LHFPL4: variants seen among roughly 807,000 people sequenced by gnomAD.
LHFPL4 encodes LHFPL tetraspan subfamily member 4.
Under a neutral mutation model 20.0 loss-of-function variants are expected in LHFPL4, and 6 were observed. The ratio of observed to expected loss-of-function variants is 0.30; its 90% confidence interval spans 0.16 to 0.59. LHFPL4 has a LOEUF of 0.59. Among genes scored for constraint, LHFPL4 ranks in the 20% least tolerant of loss-of-function variants. The probability of loss-of-function intolerance (pLI) is 0.88; values close to 1 mark genes in which losing one functional copy is unlikely to be tolerated. For missense variants in LHFPL4, 215 were observed against 331.2 expected, an observed-to-expected ratio of 0.65 and a Z score of 2.72; for synonymous variants, 129 against 143.8, an observed-to-expected ratio of 0.90 and a Z score of 0.74.
At chr3:9,523,312 C>T (rs1434064724) in intron 2 of LHFPL4, among the ~76,000 whole-genome samples, 5 of 148,666 alleles carry the variant, frequency 3.4e-5, no homozygotes, top group African/African-American at 1.2e-4. Flanking sequence ...ACCTGGGAGG[C>T]GGAGGTTGCA....
At chr3:9,533,736 T>C (rs1025477206) in intron 2 of LHFPL4, among the ~76,000 whole-genome samples, 2 of 152,060 alleles carry the variant, frequency 1.3e-5, no homozygotes, top group Non-Finnish European at 2.9e-5. Context: ...GAGCTGAGAT[T>C]GTGCCACTGC....
intron 2 of LHFPL4, among the ~76,000 whole-genome samples, chr3:9,547,282 C>T (rs2046521310): frequency 6.6e-6 from 1 of 152,244 alleles, no homozygotes; most frequent in Non-Finnish European, 1.5e-5. Context: ...GGCCACTGTG[C>T]CTGGCCATAA....
intron 2 of LHFPL4, among the ~76,000 whole-genome samples, chr3:9,510,529 T>C (rs747873395): frequency 9.9e-5 from 15 of 151,824 alleles, no homozygotes; most frequent in Non-Finnish European, 1.8e-4. Context: ...GATATCTCTA[T>C]CCAGCTACCC....
chr3:9,540,502 A>G (rs146229844), intron 2 of LHFPL4, among the ~76,000 whole-genome samples: 138 of 152,344 alleles, frequency 9.1e-4, no homozygotes, highest in African/African-American at 3.2e-3. Flanking sequence ...ATCAGGACAT[A>G]AAAGGCAGTG....
intron 3 of LHFPL4, among the ~76,000 whole-genome samples, chr3:9,505,672 C>T (rs2046212429): frequency 6.6e-6 from 1 of 152,168 alleles, no homozygotes; most frequent in Non-Finnish European, 1.5e-5. Flanking sequence ...GATCCACCCG[C>T]CTCGGCCTCC....
chr3:9,529,349 G>A (rs1261201321), intron 2 of LHFPL4, among the ~76,000 whole-genome samples: 1 of 152,094 alleles, frequency 6.6e-6, no homozygotes, highest in Admixed American at 6.6e-5. Flanking sequence ...TGTTCTTAAT[G>A]GCATATCTAG....
intron 2 of LHFPL4, among the ~76,000 whole-genome samples, chr3:9,523,513 G>A (rs571430207): frequency 5.4e-4 from 82 of 151,142 alleles, no homozygotes; most frequent in Non-Finnish European, 6.6e-4. Flanking sequence ...CACTCTGTCC[G>A]CCAGGCTGGA....
intron 2 of LHFPL4, among the ~76,000 whole-genome samples, chr3:9,541,948 T>C (rs2046479266): frequency 6.6e-6 from 1 of 152,182 alleles, no homozygotes. Context: ...ATTCTACTTC[T>C]AGGTAAGTAC....
At chr3:9,537,998 A>T (rs1264796423) in intron 2 of LHFPL4, among the ~76,000 whole-genome samples, 3 of 152,098 alleles carry the variant, frequency 2.0e-5, no homozygotes, top group East Asian at 3.9e-4. Flanking sequence ...CCTAGGTCTG[A>T]TCTTCATCCT....
chr3:9,541,727 G>A (rs1049658181), intron 2 of LHFPL4, among the ~76,000 whole-genome samples: 1 of 148,616 alleles, frequency 6.7e-6, no homozygotes, highest in South Asian at 2.2e-4. Flanking sequence ...AGTCGAGATC[G>A]CACCACTGCA....
At chr3:9,552,196 C>T in intron 2 of LHFPL4, 78 bp downstream of exon 2, 1 of 1,519,878 alleles carries the variant, frequency 6.6e-7, no homozygotes, top group African/African-American at 1.4e-5. Flanking sequence ...TATCCGACTC[C>T]TTCAGGAAGG....
At chr3:9,541,672 C>T (rs2648401) in intron 2 of LHFPL4, among the ~76,000 whole-genome samples, 145,778 of 152,088 alleles carry the variant, frequency 0.96, 69,908 homozygotes, top group Middle Eastern at 0.99. Context: ...ATAGGGAGGC[C>T]GGGGCAGGAT....
intron 2 of LHFPL4, among the ~76,000 whole-genome samples, chr3:9,544,624 C>G (rs141774493): frequency 1.3e-5 from 2 of 152,066 alleles, no homozygotes; most frequent in Non-Finnish European, 1.5e-5. Context: ...GACTCTATCT[C>G]AAAACAAACA....
At chr3:9,553,236 G>A (rs2046568965) in intron 1 of LHFPL4, among the ~76,000 whole-genome samples, 1 of 151,578 alleles carries the variant, frequency 6.6e-6, no homozygotes, top group African/African-American at 2.4e-5. Flanking sequence ...TTCTAGGATG[G>A]GGGAAGAGGG....
intron 3 of LHFPL4, among the ~76,000 whole-genome samples, chr3:9,503,947 G>T (rs538763709): frequency 1.8e-4 from 27 of 152,208 alleles, no homozygotes; most frequent in African/African-American, 5.3e-4. Context: ...AATCGCTTAA[G>T]CCCAGGAGTT....
At chr3:9,505,911 C>A in intron 3 of LHFPL4, 56 bp downstream of exon 3, 1 of 1,480,754 alleles carries the variant, frequency 6.8e-7, no homozygotes, top group Non-Finnish European at 9.4e-7. Context: ...AATTATCCTG[C>A]CTCCCAGGAC....
At chr3:9,551,055 T>A (rs758187316) in intron 2 of LHFPL4, 1 of 152,198 alleles carries the variant, frequency 6.6e-6, no homozygotes, top group Non-Finnish European at 1.5e-5. Context: ...AAAAGTTACA[T>A]TCCTCCTTTA....
intron 2 of LHFPL4, among the ~76,000 whole-genome samples, chr3:9,540,592 A>G (rs540776110): frequency 1.6e-4 from 24 of 152,302 alleles, no homozygotes; most frequent in Admixed American, 1.4e-3. Context: ...CTAGAAAGTG[A>G]CAGTAATCAA....
chr3:9,502,330 G>C lies in LHFPL4; in HGVS notation c.644-19C>G. The C allele has an allele frequency of 6.6e-7, 1 of 1,514,938 alleles. No homozygotes were observed. Among genetic ancestry groups the C allele is most frequent in the Non-Finnish European group, 9.2e-7 (1 of 1,090,612 alleles). 93.8% of individuals were successfully genotyped at this position (1,514,938 alleles called of 1,614,324 possible). ...ACAAAATCTAAGAGAGAGAGAGAGA[G>C]AGAGAAGGAGAGAGAATTAGAGAAA... On this transcript the variant is annotated intron_variant, in intron 3 of 3. Transcript: ENST00000287585.
Sources: gnomAD v4.1 joint callset for allele counts (sites outside exome capture counted in the v4.1 genomes callset) on GRCh38, gnomAD v4.1.1 for gene constraint, MANE v1.5 for transcripts, NCBI Gene and HGNC (gene_info 2026-07-23, HGNC 2026-07-21) for gene names.